The following DLG2 variants were observed in gnomAD, a reference collection of about 807,000 sequenced individuals.
DLG2 encodes disks large homolog 2.
Under a neutral mutation model 132.5 loss-of-function variants are expected in DLG2, and 45 were observed. That is an observed-to-expected ratio of 0.34 (90% CI 0.27 to 0.44). The LOEUF is 0.44. DLG2 is among the 20% of genes least tolerant of loss of function. DLG2 has a pLI of 1.00. For synonymous variants in DLG2, 424 were observed against 419.6 expected (o/e 1.01, Z -0.13); for missense variants, 1,045 against 1,196.9 (o/e 0.87, Z 1.87).
chr11:85,339,416 T>C (rs1489294490), intron 3 of DLG2, among the ~76,000 whole-genome samples: 6 of 152,200 alleles, frequency 3.9e-5, no homozygotes, highest in Non-Finnish European at 8.8e-5. Context: ...GCACCTGTAA[T>C]TTTTTACTAG....
At chr11:83,630,632 G>C (rs576066693) in intron 19 of DLG2, among the ~76,000 whole-genome samples, 1 of 152,194 alleles carries the variant, frequency 6.6e-6, no homozygotes, top group South Asian at 2.1e-4. Context: ...AAGCAGATTG[G>C]GAATCACAGC....
chr11:85,082,249 C>CT (rs1054447951), intron 6 of DLG2, among the ~76,000 whole-genome samples: 16 of 152,026 alleles, frequency 1.1e-4, no homozygotes, highest in African/African-American at 3.6e-4. Flanking sequence ...GAAAATACTG[C>CT]TTTTTTTAAA....
Position 85,133,639 on chromosome 11 carries a change from T to C in DLG2, c.282+20917A>G, listed in dbSNP as rs2075910141. 2.0e-5 allele frequency among the ~76,000 whole-genome samples: 3 copies of C among 152,280 alleles called. No homozygotes were observed. In the South Asian group the frequency reaches 6.2e-4, roughly 32 times the overall value. ...CAAATACACAAACAACCTGAACATATAAATGAATATTATGAAATTGGGGTG... is the reference window on the plus strand; with the variant it reads ...CAAATACACAAACAACCTGAACATACAAATGAATATTATGAAATTGGGGTG... On this transcript the variant is annotated intron_variant, in intron 5 of 27. Coordinates refer to ENST00000376104, the MANE Select transcript of DLG2 (RefSeq NM_001142699.3).
At chr11:83,923,667 C>A (rs2154123373) in intron 15 of DLG2, among the ~76,000 whole-genome samples, 1 of 152,250 alleles carries the variant, frequency 6.6e-6, no homozygotes, top group African/African-American at 2.4e-5. Flanking sequence ...CTGAGTCAGT[C>A]ACCAAGTACC....
intron 6 of DLG2, among the ~76,000 whole-genome samples, chr11:84,614,627 C>T (rs1276729359): frequency 1.3e-5 from 2 of 152,066 alleles, no homozygotes; most frequent in East Asian, 3.9e-4. Context: ...CAAGTAGGTG[C>T]TAAATAGTGA....
intron 6 of DLG2, among the ~76,000 whole-genome samples, chr11:85,076,042 T>C (rs1488955588): frequency 2.0e-5 from 3 of 151,982 alleles, no homozygotes; most frequent in African/African-American, 2.4e-5. Flanking sequence ...ATCTGGTAAA[T>C]GAATTTATTT....
At chr11:85,293,441 A>G (rs986996014) in intron 3 of DLG2, among the ~76,000 whole-genome samples, 4 of 152,284 alleles carry the variant, frequency 2.6e-5, no homozygotes, top group Middle Eastern at 3.4e-3. Flanking sequence ...TTTTTAAAAT[A>G]GTACAAACTG....
At chr11:84,259,193 C>T (rs917053216) in intron 7 of DLG2, among the ~76,000 whole-genome samples, 1 of 151,444 alleles carries the variant, frequency 6.6e-6, no homozygotes, top group African/African-American at 2.4e-5. Context: ...ATGGCTGGAA[C>T]CCCTGGAGGT....
chr11:85,464,402 T>A (rs2092714926), intron 3 of DLG2, among the ~76,000 whole-genome samples: 1 of 152,054 alleles, frequency 6.6e-6, no homozygotes, highest in Non-Finnish European at 1.5e-5. Context: ...TTGGTGGGCA[T>A]GGGGCAAGGG....
At chr11:84,209,251 C>T (rs1291018855) in intron 8 of DLG2, among the ~76,000 whole-genome samples, 4 of 152,086 alleles carry the variant, frequency 2.6e-5, no homozygotes, top group Admixed American at 2.6e-4. Context: ...TTAGATAAAT[C>T]TAGATTAGGC....
intron 3 of DLG2, among the ~76,000 whole-genome samples, chr11:85,412,760 C>CACACACACACATATATATATATAT (rs756868795): frequency 1.8e-5 from 2 of 113,240 alleles, no homozygotes; most frequent in Non-Finnish European, 1.8e-5. Context: ...CACACACACA[C>CACACACACACATATATATATATAT]ATATATATAT....
chr11:84,056,907 C>T (rs1302166685), intron 11 of DLG2, among the ~76,000 whole-genome samples: 3 of 152,094 alleles, frequency 2.0e-5, no homozygotes, highest in African/African-American at 7.2e-5. Flanking sequence ...AATAGTCTCA[C>T]CTCTCTCTAC....
intron 3 of DLG2, among the ~76,000 whole-genome samples, chr11:85,411,558 T>A (rs745477445): frequency 5.9e-5 from 9 of 151,940 alleles, no homozygotes; most frequent in Non-Finnish European, 1.3e-4. Flanking sequence ...GTTTCACATC[T>A]GTAAAATATA....
intron 3 of DLG2, among the ~76,000 whole-genome samples, chr11:85,322,825 T>G (rs1452144767): frequency 2.0e-5 from 3 of 152,088 alleles, no homozygotes; most frequent in Non-Finnish European, 4.4e-5. Context: ...ATCTCTTGAT[T>G]TGTCAATTTT....
At chr11:83,682,169 T>C in intron 18 of DLG2, 2 of 985,346 alleles carry the variant, frequency 2.0e-6, no homozygotes, top group African/African-American at 3.5e-5. Context: ...GAGCACAAAA[T>C]TATTGGAACA....
intron 21 of DLG2, among the ~76,000 whole-genome samples, chr11:83,519,847 A>G (rs1158596224): frequency 6.6e-6 from 1 of 152,174 alleles, no homozygotes; most frequent in African/African-American, 2.4e-5. Context: ...TCGTAGATTC[A>G]TATCTGTCTT....
intron 7 of DLG2, among the ~76,000 whole-genome samples, chr11:84,397,018 T>C (rs1279056670): frequency 6.6e-6 from 1 of 152,172 alleles, no homozygotes; most frequent in Non-Finnish European, 1.5e-5. Flanking sequence ...ATAATAATAG[T>C]TATCATTTAT....
chr11:84,880,105 T>C lies in DLG2; in HGVS notation c.357+231556A>G, dbSNP rs904260694. On this transcript the variant is annotated intron_variant, in intron 6 of 27. Coordinates refer to ENST00000376104, the MANE Select transcript of DLG2 (RefSeq NM_001142699.3). ...GGACAAAGAGATGATGTAGTAGTCATAGTGAATGAGAATAAATGGAGGGGA... is the reference window on the plus strand; with the variant it reads ...GGACAAAGAGATGATGTAGTAGTCACAGTGAATGAGAATAAATGGAGGGGA... 5.5e-4 allele frequency among the ~76,000 whole-genome samples: 84 copies of C among 152,184 alleles called. 1 individual carries two copies. Among genetic ancestry groups the C allele is most frequent in the East Asian group, 1.9e-3 (10 of 5,164 alleles).
chr11:84,383,490 T>C (rs1480120237), intron 7 of DLG2, among the ~76,000 whole-genome samples: 2 of 152,118 alleles, frequency 1.3e-5, no homozygotes, highest in Non-Finnish European at 2.9e-5. Context: ...TGGGATATCA[T>C]GCCCATGATT....
Sources: gnomAD v4.1 joint callset for allele counts (sites outside exome capture counted in the v4.1 genomes callset) on GRCh38, gnomAD v4.1.1 for gene constraint, MANE v1.5 for transcripts, NCBI Gene and HGNC (gene_info 2026-07-23, HGNC 2026-07-21) for gene names.